ACSM2A: variants seen among roughly 807,000 people sequenced by gnomAD.
The protein encoded by ACSM2A is acyl-CoA synthetase medium chain family member 2A.
In ACSM2A, 72 loss-of-function variants were observed where a neutral mutation model predicts 76.6. That is an observed-to-expected ratio of 0.94 (90% CI 0.78 to 1.14). ACSM2A has a LOEUF of 1.14. Among genes scored for constraint, ACSM2A ranks in the 50% most tolerant of loss-of-function variants. The pLI, the probability that ACSM2A is intolerant of heterozygous loss-of-function variation, is 0.00. For synonymous variants in ACSM2A, 249 were observed against 255.9 expected (o/e 0.97, Z 0.26); for missense variants, 684 against 708.5 (o/e 0.97, Z 0.39).
intron 12 of ACSM2A, chr16:20,482,134 C>CAAAAAAAAAAAAAAAAAAAA (rs768615976): frequency 2.0e-5 from 1 of 49,734 alleles, no homozygotes. Flanking sequence ...GACTCTGTCT[C>CAAAAAAAAAAAAAAAAAAAA]AAAAAAAAAA....
chr16:20,483,046 T>A lies in ACSM2A; in HGVS notation c.1510-12T>A, dbSNP rs750849665. The A allele has an allele frequency of 3.7e-6, 6 of 1,613,202 alleles. No homozygotes were observed. On this transcript the variant is annotated splice_polypyrimidine_tract_variant and intron_variant, in intron 12 of 13. Transcript: ENST00000573854. ...TCTAATCCCTTCTCTCTGGCCTTCA[T>A]CTTTTTTGCAGGTGGTGAAGGCATT...
At chr16:20,474,423 G>A (rs2013603353) in intron 6 of ACSM2A, among the ~76,000 whole-genome samples, 1 of 152,080 alleles carries the variant, frequency 6.6e-6, no homozygotes, top group Admixed American at 6.6e-5. Flanking sequence ...TTTACAATGT[G>A]ATGCCCCGAC....
At chr16:20,475,274 C>T (rs1299980322) in intron 6 of ACSM2A, 88 bp from the exon 7 acceptor site, 14 of 1,603,934 alleles carry the variant, frequency 8.7e-6, no homozygotes, top group Non-Finnish European at 1.1e-5. Context: ...CTCTACAACT[C>T]CATAGCTCAC....
chr16:20,475,986 A>C, intron 8 of ACSM2A: 9 of 1,237,648 alleles, frequency 7.3e-6, no homozygotes, highest in Non-Finnish European at 9.5e-6. Flanking sequence ...TTCCAGTGAG[A>C]TTTGGGGAGA....
intron 2 of ACSM2A, among the ~76,000 whole-genome samples, chr16:20,462,218 C>T (rs1160487531): frequency 2.0e-5 from 3 of 152,078 alleles, no homozygotes; most frequent in Non-Finnish European, 2.9e-5. Flanking sequence ...AGTAAGCAAG[C>T]TAGGGAACAA....
At position 20,481,989 on chromosome 16, in the gene ACSM2A, G is replaced by A. The variant is rs1355905399; in HGVS notation, c.1509+1068G>A. 1.6e-4 allele frequency: 20 copies of A among 123,006 alleles called. 1 individual carries two copies. The highest frequency in any genetic ancestry group is 5.7e-4 in the African/African-American group (19 of 33,176). 7.6% of individuals were successfully genotyped at this position (123,006 alleles called of 1,614,324 possible). A position where few individuals can be genotyped will look rare whatever the true frequency, so the allele number is the denominator to read the frequency against. Reference sequence around the variant, plus strand: ...ATCTCTACTAAAAATACAAAAATTGGCCAGGCATGGTGGCAGGCATCTGTA... The same window carrying A: ...ATCTCTACTAAAAATACAAAAATTGACCAGGCATGGTGGCAGGCATCTGTA... On this transcript the variant is annotated intron_variant, in intron 12 of 13. Coordinates refer to ENST00000573854, the MANE Select transcript of ACSM2A (RefSeq NM_001308172.2).
At chr16:20,458,566 A>G (rs1170602549) in intron 1 of ACSM2A, among the ~76,000 whole-genome samples, 3 of 144,738 alleles carry the variant, frequency 2.1e-5, no homozygotes. Flanking sequence ...TATTATATAT[A>G]ATATATCCAT....
At chr16:20,453,270 C>T (rs1421628732) in intron 1 of ACSM2A, 14 of 151,848 alleles carry the variant, frequency 9.2e-5, no homozygotes, top group African/African-American at 1.2e-4. Flanking sequence ...ATGGAGGGAT[C>T]GGCCAGAGCT....
intron 3 of ACSM2A, among the ~76,000 whole-genome samples, chr16:20,466,374 G>C (rs1389778752): frequency 6.6e-6 from 1 of 152,134 alleles, no homozygotes; most frequent in African/African-American, 2.4e-5. Context: ...AGAGAGGCTT[G>C]TGCCAAGCAA....
intron 1 of ACSM2A, chr16:20,453,112 T>A (rs1442192124): frequency 2.6e-5 from 4 of 152,024 alleles, no homozygotes; most frequent in African/African-American, 9.6e-5. Context: ...AGAACTGAAA[T>A]TGTGGAAAAA....
Position 20,467,281 on chromosome 16 carries a change from T to A in ACSM2A, c.388+1554T>A, listed in dbSNP as rs1400914982. Among the ~76,000 whole-genome samples the A allele has an allele frequency of 2.0e-5, 3 of 152,158 alleles. No homozygotes were observed. In the East Asian group the frequency reaches 5.8e-4, roughly 29 times the overall value. On this transcript the variant is annotated intron_variant, in intron 3 of 13. Transcript: ENST00000573854. ...TAAACTGGCAGTGCCTTGTGGTCCT[T>A]GGTAAGAGTTGTGGACATTTATCCA...
intron 1 of ACSM2A, among the ~76,000 whole-genome samples, chr16:20,456,468 G>T (rs2012162400): frequency 6.6e-6 from 1 of 151,158 alleles, no homozygotes; most frequent in South Asian, 2.1e-4. Context: ...GACCGCCTTG[G>T]AATAAAATTG....
intron 12 of ACSM2A, 134 bp from the exon 13 acceptor site, chr16:20,482,924 C>T (rs2106702): frequency 7.1e-7 from 1 of 1,417,892 alleles, no homozygotes; most frequent in Non-Finnish European, 9.5e-7. Flanking sequence ...TTCTCCTTTT[C>T]CCTTGACCTG....
intron 13 of ACSM2A, among the ~76,000 whole-genome samples, chr16:20,483,644 T>C (rs2014238455): frequency 7.0e-6 from 1 of 143,378 alleles, no homozygotes; most frequent in African/African-American, 2.5e-5. Context: ...CAATCTAGCT[T>C]GATGCCTGAA....
At chr16:20,477,175 T>C (rs552966323) in intron 8 of ACSM2A, 194 bp from the exon 9 acceptor site, 5 of 1,016,162 alleles carry the variant, frequency 4.9e-6, no homozygotes, top group Non-Finnish European at 6.6e-6. Context: ...CTTCCTGAAC[T>C]AACAATTTAG....
chr16:20,458,098 C>T (rs1407632707), intron 1 of ACSM2A, among the ~76,000 whole-genome samples: 1 of 151,232 alleles, frequency 6.6e-6, no homozygotes, highest in Non-Finnish European at 1.5e-5. Context: ...TAGGAATATA[C>T]CTAACCAAAG....
intron 13 of ACSM2A, among the ~76,000 whole-genome samples, chr16:20,485,030 T>A (rs527839079): frequency 3.3e-5 from 5 of 152,276 alleles, no homozygotes; most frequent in Non-Finnish European, 5.9e-5. Context: ...ATAACCTCTG[T>A]GATCCTCAGT....
In ACSM2A at chr16:20,477,388, C is replaced by T. The variant is rs2013808414; in HGVS notation, c.1118C>T (p.Ser373Phe). The change falls in exon 9 of 14, where the codon TCC becomes TTC. Residue 373 changes from serine (S) to phenylalanine (F), a missense_variant. This residue lies in a region of ACSM2A where 519 missense variants were observed against 549.5 expected (regional missense o/e 0.94). Transcript: ENST00000573854. ...QTETGLTCMV[S>F]KTMKIKPGYM... The stretch of plus-strand genomic sequence containing the variant: ...CCACAGGGATTAACTTGCATGGTTT[C>T]CAAGACAATGAAAATCAAACCAGGA... 1 of 1,609,312 alleles carries T rather than the reference C, an allele frequency of 6.2e-7. No homozygotes were observed. The highest frequency in any genetic ancestry group is 1.3e-5 in the African/African-American group (1 of 74,742).
At chr16:20,461,333 T>C (rs1277422273) in intron 2 of ACSM2A, among the ~76,000 whole-genome samples, 1 of 151,896 alleles carries the variant, frequency 6.6e-6, no homozygotes, top group Non-Finnish European at 1.5e-5. Flanking sequence ...AATTGAAAAT[T>C]TTCAAACAGA....
Sources: gnomAD v4.1 joint callset for allele counts (sites outside exome capture counted in the v4.1 genomes callset) on GRCh38, gnomAD v4.1.1 for gene constraint, gnomAD v4.1.1 regional missense constraint, MANE v1.5 for transcripts, NCBI Gene and HGNC (gene_info 2026-07-23, HGNC 2026-07-21) for gene names.